Variants in MAST4 observed in about 807,000 individuals in gnomAD.
MAST4 encodes the protein microtubule-associated serine/threonine-protein kinase 4.
A neutral mutation model predicts 162.7 loss-of-function variants in MAST4; 89 were observed. The observed-to-expected ratio is 0.55, with a 90% CI of 0.46 to 0.65. The LOEUF (loss-of-function observed/expected upper bound fraction) is 0.65. MAST4 is among the 30% of genes least tolerant of loss of function. The pLI is 0.00. For missense variants in MAST4, 3,153 were observed against 3,374.0 expected (o/e 0.93, Z 1.62); for synonymous variants, 1,479 against 1,361.1 (o/e 1.09, Z -1.91).
At position 66,613,335 on chromosome 5, in the gene MAST4, T is replaced by G. The variant is rs78424489; in HGVS notation, c.363+16317T>G. Among the ~76,000 whole-genome samples the G allele has an allele frequency of 3.6e-3, 551 of 152,082 alleles. 5 individuals carry two copies. Among genetic ancestry groups the G allele is most frequent in the African/African-American group, 0.013 (534 of 41,458 alleles). ...TATCAGATAACCCTTTTTTTTTTTT[T>G]TGTAATATCTCTTTGGGATAGCATT... On this transcript the variant is annotated intron_variant, in intron 1 of 28. Transcript: ENST00000403625.
chr5:66,857,022 A>T (rs1395390734), intron 3 of MAST4, among the ~76,000 whole-genome samples: 1 of 152,236 alleles, frequency 6.6e-6, no homozygotes, highest in African/African-American at 2.4e-5. Context: ...AAGAAAACTT[A>T]AAACATAAAG....
chr5:66,620,562 C>T (rs1426752417), intron 1 of MAST4, among the ~76,000 whole-genome samples: 4 of 152,064 alleles, frequency 2.6e-5, no homozygotes, highest in Non-Finnish European at 5.9e-5. Context: ...TGTGACATTT[C>T]TGTAGAAATG....
At chr5:66,926,589 C>T (rs1764914040) in intron 4 of MAST4, among the ~76,000 whole-genome samples, 1 of 151,136 alleles carries the variant, frequency 6.6e-6, no homozygotes, top group Non-Finnish European at 1.5e-5. Flanking sequence ...CACACACACA[C>T]ATATATGTAT....
chr5:66,950,108 C>G (rs1744494707), intron 4 of MAST4, among the ~76,000 whole-genome samples: 1 of 152,068 alleles, frequency 6.6e-6, no homozygotes, highest in African/African-American at 2.4e-5. Context: ...CCTCACCCCA[C>G]CCTACCCCAT....
chr5:67,095,805 A>G, intron 7 of MAST4, 130 bp downstream of exon 7: 3 of 573,472 alleles, frequency 5.2e-6, no homozygotes, highest in Non-Finnish European at 8.6e-6. Flanking sequence ...CACTCTGAAT[A>G]AGTGACACAT....
At chr5:66,906,194 C>T (rs78169133) in intron 4 of MAST4, among the ~76,000 whole-genome samples, 1,845 of 152,246 alleles carry the variant, frequency 0.012, 38 homozygotes, top group African/African-American at 0.042. Context: ...TCTGTTTTAA[C>T]GTCAGCTGGT....
chr5:66,725,093 G>GTT (rs142610980), intron 1 of MAST4, among the ~76,000 whole-genome samples: 4,257 of 151,170 alleles, frequency 0.028, 208 homozygotes, highest in African/African-American at 0.097. Flanking sequence ...TGATTTTTCT[G>GTT]TTTTTTTAAT....
At chr5:67,142,374 G>A in intron 20 of MAST4, 47 bp from the exon 21 acceptor site, 1 of 1,518,924 alleles carries the variant, frequency 6.6e-7, no homozygotes, top group South Asian at 1.2e-5. Context: ...ATATCTAAAT[G>A]TTGAAAATCT....
At chr5:66,825,749 C>G (rs1168128257) in intron 3 of MAST4, among the ~76,000 whole-genome samples, 2 of 151,946 alleles carry the variant, frequency 1.3e-5, no homozygotes, top group African/African-American at 4.8e-5. Flanking sequence ...TGTGGCGTAT[C>G]CATACAGGTA....
intron 4 of MAST4, among the ~76,000 whole-genome samples, chr5:66,969,783 G>A (rs1007607082): frequency 6.6e-6 from 1 of 152,188 alleles, no homozygotes; most frequent in Non-Finnish European, 1.5e-5. Context: ...TCACCTGACG[G>A]CTAAACCACT....
chr5:66,719,367 G>A (rs761305240), intron 1 of MAST4, among the ~76,000 whole-genome samples: 2 of 152,118 alleles, frequency 1.3e-5, no homozygotes, highest in Non-Finnish European at 2.9e-5. Context: ...AGGGAAGGAG[G>A]AATAAGAGTT....
chr5:66,729,412 A>G (rs1751708310), intron 1 of MAST4, among the ~76,000 whole-genome samples: 1 of 152,166 alleles, frequency 6.6e-6, no homozygotes, highest in South Asian at 2.1e-4. Context: ...TTGAAATTCT[A>G]TATATTTAAA....
intron 1 of MAST4, among the ~76,000 whole-genome samples, chr5:66,748,256 C>G (rs1470248695): frequency 6.6e-6 from 1 of 151,946 alleles, no homozygotes; most frequent in African/African-American, 2.4e-5. Flanking sequence ...CAGAGCAATA[C>G]CTGGCACACA....
At chr5:67,065,251 T>G (rs746129103) in intron 5 of MAST4, among the ~76,000 whole-genome samples, 19 of 152,142 alleles carry the variant, frequency 1.2e-4, no homozygotes, top group South Asian at 2.1e-4. Flanking sequence ...TAGTCACCTC[T>G]CACTCTTGTG....
At chr5:66,999,826 A>C (rs1751076735) in intron 4 of MAST4, among the ~76,000 whole-genome samples, 2 of 152,160 alleles carry the variant, frequency 1.3e-5, no homozygotes, top group African/African-American at 2.4e-5. Context: ...AGGATGATAC[A>C]ACCTTGCCTA....
chr5:66,716,941 G>C (rs1338780217), intron 1 of MAST4, among the ~76,000 whole-genome samples: 1 of 152,174 alleles, frequency 6.6e-6, no homozygotes, highest in African/African-American at 2.4e-5. Context: ...ATGTCTCCTA[G>C]TGCATTATGC....
At chr5:66,946,468 C>T (rs771166131) in intron 4 of MAST4, among the ~76,000 whole-genome samples, 2 of 151,984 alleles carry the variant, frequency 1.3e-5, no homozygotes, top group Non-Finnish European at 2.9e-5. Flanking sequence ...AATTCTATTC[C>T]CTTTTGATCT....
intron 3 of MAST4, among the ~76,000 whole-genome samples, chr5:66,848,815 C>T (rs1222940592): frequency 6.6e-6 from 1 of 152,196 alleles, no homozygotes; most frequent in East Asian, 1.9e-4. Context: ...TTCCATAGAC[C>T]CTCTTGCCAG....
chr5:66,645,323 A>AT (rs1745757992), intron 1 of MAST4, among the ~76,000 whole-genome samples: 3 of 152,202 alleles, frequency 2.0e-5, no homozygotes, highest in African/African-American at 7.2e-5. Context: ...ACTGATTCTT[A>AT]TAGACAGTTA....
Sources: gnomAD v4.1 joint callset for allele counts (sites outside exome capture counted in the v4.1 genomes callset) on GRCh38, gnomAD v4.1.1 for gene constraint, MANE v1.5 for transcripts, NCBI Gene and HGNC (gene_info 2026-07-23, HGNC 2026-07-21) for gene names.